Variants in NADSYN1 observed in about 807,000 individuals in gnomAD.
The protein encoded by NADSYN1 is NAD synthetase 1.
NADSYN1 carries 80 observed loss-of-function variants against 99.3 expected under a neutral mutation model. The ratio of observed to expected loss-of-function variants is 0.81; its 90% CI spans 0.67 to 0.97. NADSYN1 has a LOEUF of 0.97. Ranked by LOEUF, NADSYN1 falls within the 50% of genes least tolerant of loss-of-function variation. The probability of loss-of-function intolerance (pLI) is 0.00; values close to 1 mark genes in which losing one functional copy is unlikely to be tolerated. For synonymous variants in NADSYN1, 385 were observed against 372.1 expected, an observed-to-expected ratio of 1.03 and a Z score of -0.40; for missense variants, 859 against 948.5, an observed-to-expected ratio of 0.91 and a Z score of 1.24.
Position 71,501,370 on chromosome 11 carries a change from AG to A in NADSYN1, c.*20del. On this transcript the variant is annotated 3_prime_UTR_variant, in exon 21 of 21. Transcript: ENST00000319023. ...TGGACTGAGGCCGGTTCCTTCCTGG[AG>A]GCCTCCTGTCCTCGGGGACCCCAGC... 6.3e-7 allele frequency: 1 copy of A among 1,594,686 alleles called. No individual in the cohort carries two copies.
chr11:71,458,616 C>A, intron 3 of NADSYN1, 72 bp downstream of exon 3: 2 of 1,042,170 alleles, frequency 1.9e-6, no homozygotes, highest in Non-Finnish European at 3.0e-6. Context: ...CCCACCCAAC[C>A]GGCCTCCATC....
intron 1 of NADSYN1, among the ~76,000 whole-genome samples, chr11:71,454,300 C>T (rs1949499227): frequency 6.6e-6 from 1 of 152,210 alleles, no homozygotes; most frequent in South Asian, 2.1e-4. Flanking sequence ...CAGTCTCTGC[C>T]TCCTGGGCTC....
intron 18 of NADSYN1, among the ~76,000 whole-genome samples, chr11:71,495,327 T>C (rs1372730710): frequency 6.6e-6 from 1 of 152,244 alleles, no homozygotes; most frequent in East Asian, 1.9e-4. Context: ...TATGCATGAA[T>C]TTCCAAAATT....
chr11:71,461,283 C>T (rs1372067242), intron 3 of NADSYN1, among the ~76,000 whole-genome samples: 4 of 152,124 alleles, frequency 2.6e-5, no homozygotes, highest in East Asian at 1.9e-4. Flanking sequence ...ACGGAGGGCC[C>T]GTATTTTATT....
chr11:71,497,191 C>T, intron 18 of NADSYN1: 1 of 389,772 alleles, frequency 2.6e-6, no homozygotes. Context: ...ACTCTTTTTC[C>T]AAATAAAGTC....
chr11:71,461,943 T>C (rs1395402296), intron 3 of NADSYN1, among the ~76,000 whole-genome samples: 2 of 152,216 alleles, frequency 1.3e-5, no homozygotes, highest in Non-Finnish European at 2.9e-5. Flanking sequence ...AGTGAGTCGC[T>C]TGTGGTGGCC....
At chr11:71,486,714 C>T (rs1297516672) in intron 16 of NADSYN1, among the ~76,000 whole-genome samples, 2 of 151,926 alleles carry the variant, frequency 1.3e-5, no homozygotes, top group African/African-American at 2.4e-5. Flanking sequence ...CCATCTCTCC[C>T]TTTGTCCATC....
chr11:71,461,681 C>T (rs1949551638), intron 3 of NADSYN1, among the ~76,000 whole-genome samples: 1 of 152,200 alleles, frequency 6.6e-6, no homozygotes, highest in South Asian at 2.1e-4. Flanking sequence ...CCTGCCTCAG[C>T]CTCCCAAAGT....
chr11:71,454,006 C>T (rs558678520), intron 1 of NADSYN1, among the ~76,000 whole-genome samples: 1 of 152,162 alleles, frequency 6.6e-6, no homozygotes, highest in African/African-American at 2.4e-5. Flanking sequence ...TGAAAGGTCA[C>T]CATCTAATTT....
chr11:71,472,781 G>A (rs1949636178), intron 6 of NADSYN1, among the ~76,000 whole-genome samples: 1 of 152,200 alleles, frequency 6.6e-6, no homozygotes, highest in African/African-American at 2.4e-5. Context: ...GCAGAAGACA[G>A]CCTTCTCCAT....
chr11:71,464,389 T>C, intron 5 of NADSYN1: 1 of 440,510 alleles, frequency 2.3e-6, no homozygotes, highest in Non-Finnish European at 4.2e-6. Context: ...AGGGCGCGGT[T>C]ACACAATGTC....
intron 18 of NADSYN1, chr11:71,497,123 C>T: frequency 3.6e-6 from 1 of 279,126 alleles, no homozygotes; most frequent in East Asian, 8.7e-5. Context: ...AGCAGTCCTC[C>T]CACCTCGGCC....
At position 71,501,446 on chromosome 11, in the gene NADSYN1, A is replaced by G; in HGVS notation, c.*94A>G. 4 of 1,248,916 alleles carry G rather than the reference A, an allele frequency of 3.2e-6. No individual in the cohort carries two copies. Among genetic ancestry groups the G allele is most frequent in the Non-Finnish European group, 4.5e-6 (4 of 890,038 alleles). The allele number at this position is 1,248,916 out of a possible 1,614,324, so 77.4% of individuals were successfully genotyped here. ...CCAAGGGTAGGAGCCCTACACTAGGAGCCCAGGATGGGACGGCGCATCAGC... is the reference window on the plus strand; with the variant it reads ...CCAAGGGTAGGAGCCCTACACTAGGGGCCCAGGATGGGACGGCGCATCAGC... On this transcript the variant is annotated 3_prime_UTR_variant, in exon 21 of 21. Transcript: ENST00000319023.
At position 71,464,155 on chromosome 11, in the gene NADSYN1, C is replaced by T. The variant is rs1949571637; in HGVS notation, c.407+13C>T. On this transcript the variant is annotated intron_variant, in intron 5 of 20. Coordinates refer to ENST00000319023, the MANE Select transcript of NADSYN1 (RefSeq NM_018161.5). ...GGTCGAGGAGTCGGTGAGTCGGGTG[C>T]CTGACCACTCCTGGGATGTGCGTTA... is the stretch of plus-strand genomic sequence containing the variant. 1 of 1,589,818 alleles carries T rather than the reference C, an allele frequency of 6.3e-7. No homozygotes were observed. The highest frequency in any genetic ancestry group is 8.6e-7 in the Non-Finnish European group (1 of 1,165,934).
Position 71,501,323 on chromosome 11 carries a change from G to T in NADSYN1, c.2092G>T (p.Glu698Ter). 6.2e-7 allele frequency: 1 copy of T among 1,605,746 alleles called. No homozygotes were observed. Among genetic ancestry groups the T allele is most frequent in the East Asian group, 2.2e-5 (1 of 44,602 alleles). The change falls in exon 21 of 21, where the codon GAG becomes TAG. Residue 698 changes from glutamate to a stop codon, truncating the protein, a stop_gained. Coordinates refer to ENST00000319023, the MANE Select transcript of NADSYN1 (RefSeq NM_018161.5). LOFTEE classifies it high-confidence loss of function. ...CCAGGTGCTACAGCTCGAGAGGGCA[G>T]AGCCACAGTCCCTGGACGGCGTGGA... is the stretch of plus-strand genomic sequence containing the variant. ...ENQVLQLERA[E>*]PQSLDGVD
At chr11:71,464,207 G>T in intron 5 of NADSYN1, 65 bp downstream of exon 5, 1 of 1,340,678 alleles carries the variant, frequency 7.5e-7, no homozygotes. Flanking sequence ...GTAGCCTTGG[G>T]TCCTGATCAT....
At chr11:71,455,191 C>T in intron 2 of NADSYN1, 21 bp downstream of exon 2, 1 of 1,604,710 alleles carries the variant, frequency 6.2e-7, no homozygotes, top group Non-Finnish European at 8.5e-7. Context: ...ACACAGACAC[C>T]CTGGGGTCGT....
intron 9 of NADSYN1, chr11:71,477,195 G>A (rs970733810): frequency 1.8e-5 from 21 of 1,176,956 alleles, no homozygotes; most frequent in East Asian, 1.3e-4. Flanking sequence ...CCGGCTTGTC[G>A]TGTGCCTGGA....
chr11:71,473,529 AG>A, intron 7 of NADSYN1, 39 bp from the exon 8 acceptor site: 1 of 1,574,650 alleles, frequency 6.4e-7, no homozygotes, highest in Non-Finnish European at 8.7e-7. Context: ...GGTTTGGAGG[AG>A]TCTGGTGGCC....
Sources: gnomAD v4.1 joint callset for allele counts (sites outside exome capture counted in the v4.1 genomes callset) on GRCh38, gnomAD v4.1.1 for gene constraint, MANE v1.5 for transcripts, NCBI Gene and HGNC (gene_info 2026-07-23, HGNC 2026-07-21) for gene names.